Variants in PXK observed in about 807,000 individuals in gnomAD.
PXK encodes PX domain-containing protein kinase-like protein.
PXK carries 35 observed loss-of-function variants against 84.7 expected under a neutral mutation model. That is an observed-to-expected ratio of 0.41 (90% CI 0.32 to 0.55). The LOEUF is 0.55. PXK is among the 20% of genes least tolerant of loss of function. The probability of loss-of-function intolerance (pLI) is 0.21; values close to 1 mark genes in which losing one functional copy is unlikely to be tolerated. For synonymous variants in PXK, 253 were observed against 260.8 expected (o/e 0.97, Z 0.29); for missense variants, 634 against 699.7 (o/e 0.91, Z 1.06).
intron 17 of PXK, 135 bp downstream of exon 17, chr3:58,413,098 T>G: frequency 1.1e-6 from 1 of 913,246 alleles, no homozygotes; most frequent in Non-Finnish European, 1.7e-6. Flanking sequence ...TCAGTGGGAG[T>G]GCAAATTAGC....
chr3:58,386,146 C>G (rs1418608934), intron 4 of PXK, among the ~76,000 whole-genome samples: 2 of 152,046 alleles, frequency 1.3e-5, no homozygotes, highest in Admixed American at 6.6e-5. Flanking sequence ...AATGTAGACC[C>G]TTGGTCTTCT....
intron 2 of PXK, among the ~76,000 whole-genome samples, chr3:58,366,708 A>G (rs1479424599): frequency 6.6e-6 from 1 of 152,214 alleles, no homozygotes; most frequent in Non-Finnish European, 1.5e-5. Context: ...GTTTGTTTGA[A>G]TAATTATTAT....
At chr3:58,377,762 A>C (rs894225945) in intron 3 of PXK, among the ~76,000 whole-genome samples, 11 of 152,256 alleles carry the variant, frequency 7.2e-5, no homozygotes, top group Non-Finnish European at 7.3e-5. Context: ...TCTGAAGGAC[A>C]AACAGAACAG....
rs997258065 is a variant in PXK at position 58,398,046 on chromosome 3, G to A, written c.1102+324G>A. Among the ~76,000 whole-genome samples, 3 of 152,200 alleles carry A rather than the reference G, an allele frequency of 2.0e-5. No individual in the cohort carries two copies. The highest frequency in any genetic ancestry group is 7.2e-5 in the African/African-American group (3 of 41,450). ...AGAAGCTAGAGCCAGGCAACTTGAA[G>A]CCAGTCTTGAGGACCCAGGCAGGTG... On this transcript the variant is annotated intron_variant, in intron 11 of 17. Transcript: ENST00000356151. The surrounding 1 kb of genome is among the most constrained non-coding windows in gnomAD (Gnocchi z 4.5).
intron 17 of PXK, chr3:58,423,398 T>C: frequency 2.0e-6 from 3 of 1,508,552 alleles, no homozygotes; most frequent in Non-Finnish European, 2.7e-6. Context: ...TGTATTGCTA[T>C]CTTTGAGCAT....
rs868129893 is a variant in PXK at position 58,368,385 on chromosome 3, C to T, written c.154-1046C>T. ...TTGCCCGGGCTGGAATGCAGTGGAG[C>T]GATCTCTGCTCACTGCAATCTCTGC... On this transcript the variant is annotated intron_variant, in intron 2 of 17. Transcript: ENST00000356151. Among the ~76,000 whole-genome samples, 24 of 152,174 alleles carry T rather than the reference C, an allele frequency of 1.6e-4. 1 individual carries two copies. Among genetic ancestry groups the T allele is most frequent in the Middle Eastern group, 6.8e-3 (2 of 294 alleles).
chr3:58,403,048 A>G (rs1385042099), intron 12 of PXK, among the ~76,000 whole-genome samples: 2 of 148,904 alleles, frequency 1.3e-5, no homozygotes, highest in East Asian at 2.0e-4. Context: ...TCTGTTGCCC[A>G]GGCAGGAGTG....
chr3:58,381,227 C>T (rs1372801145), intron 3 of PXK, among the ~76,000 whole-genome samples: 1 of 119,524 alleles, frequency 8.4e-6, no homozygotes, highest in Non-Finnish European at 1.6e-5. Context: ...CCAGCCTAGG[C>T]GATAGTGCGA....
At chr3:58,340,133 T>G (rs1458918420) in intron 1 of PXK, among the ~76,000 whole-genome samples, 1 of 148,516 alleles carries the variant, frequency 6.7e-6, no homozygotes, top group Non-Finnish European at 1.5e-5. Context: ...TTTTTTTTTT[T>G]TTTTTAAGAC....
chr3:58,402,049 T>TC (rs1476550649), intron 12 of PXK, among the ~76,000 whole-genome samples: 1 of 151,756 alleles, frequency 6.6e-6, no homozygotes, highest in African/African-American at 2.4e-5. Flanking sequence ...ATAACAAGAC[T>TC]CCATCTCTTT....
intron 1 of PXK, among the ~76,000 whole-genome samples, chr3:58,348,288 T>C (rs2097856824): frequency 6.6e-6 from 1 of 152,190 alleles, no homozygotes; most frequent in African/African-American, 2.4e-5. Context: ...TACAGAGTGG[T>C]GGACCTGATT....
At chr3:58,410,221 T>C in intron 16 of PXK, 62 bp downstream of exon 16, 1 of 1,321,768 alleles carries the variant, frequency 7.6e-7, no homozygotes, top group Admixed American at 1.7e-5. Flanking sequence ...GAGTCTCTAG[T>C]TGGTCAAGAG....
At chr3:58,408,525 CT>C (rs10587686) in intron 13 of PXK, among the ~76,000 whole-genome samples, 136 of 143,030 alleles carry the variant, frequency 9.5e-4, no homozygotes, top group Middle Eastern at 3.6e-3. Context: ...CCAAATGACT[CT>C]TTTTTTTTTT....
intron 4 of PXK, among the ~76,000 whole-genome samples, chr3:58,389,145 T>C (rs1026628936): frequency 1.3e-5 from 2 of 152,170 alleles, no homozygotes; most frequent in African/African-American, 4.8e-5. Flanking sequence ...ATTTTCATGA[T>C]AAATGAACAG....
At position 58,400,600 on chromosome 3, in the gene PXK, C is replaced by T. The variant is rs1413541596; in HGVS notation, c.1181+1223C>T. On this transcript the variant is annotated intron_variant, in intron 12 of 17. Transcript: ENST00000356151. The surrounding 1 kb of genome is among the most constrained non-coding windows in gnomAD (Gnocchi z 4.0). ...GACACTGAAGCGTCTGTCGCCAAAC[C>T]AGCAACCATTAATAATAATGTAATA... Among the ~76,000 whole-genome samples, 1 of 152,160 alleles carries T rather than the reference C, an allele frequency of 6.6e-6. No individual in the cohort carries two copies. Among genetic ancestry groups the T allele is most frequent in the Non-Finnish European group, 1.5e-5 (1 of 68,028 alleles).
At chr3:58,337,241 TA>T (rs1472806800) in intron 1 of PXK, among the ~76,000 whole-genome samples, 1 of 152,228 alleles carries the variant, frequency 6.6e-6, no homozygotes, top group Non-Finnish European at 1.5e-5. Flanking sequence ...AAACATTTTT[TA>T]AAATCAGTGG....
At chr3:58,338,895 C>G (rs2097674730) in intron 1 of PXK, among the ~76,000 whole-genome samples, 1 of 151,986 alleles carries the variant, frequency 6.6e-6, no homozygotes, top group Non-Finnish European at 1.5e-5. Context: ...GTTGGCCAGG[C>G]TGGTCTTGAA....
intron 16 of PXK, 126 bp downstream of exon 16, chr3:58,410,285 C>G: frequency 1.6e-6 from 1 of 626,386 alleles, no homozygotes; most frequent in South Asian, 2.2e-5. Flanking sequence ...CTACAGAGAA[C>G]AAAATAACTC....
At chr3:58,373,305 G>A (rs2098403940) in intron 3 of PXK, among the ~76,000 whole-genome samples, 1 of 152,016 alleles carries the variant, frequency 6.6e-6, no homozygotes, top group Non-Finnish European at 1.5e-5. Context: ...GTGATCTCCT[G>A]ACCTCGTGAT....
Sources: allele counts gnomAD v4.1 joint callset (sites outside exome capture counted in the v4.1 genomes callset), GRCh38; gene constraint gnomAD v4.1.1; non-coding constraint Gnocchi (gnomAD v3.1); transcripts MANE v1.5; gene names NCBI Gene and HGNC (gene_info 2026-07-23, HGNC 2026-07-21).